The following ANXA11 variants were observed in gnomAD, a reference collection of about 807,000 sequenced individuals.
ANXA11 encodes the protein annexin A11, also known as 56 kDa autoantigen.
A neutral mutation model predicts 64.7 loss-of-function variants in ANXA11; 57 were observed. That is an observed-to-expected ratio of 0.88 (90% CI 0.71 to 1.10). The LOEUF (loss-of-function observed/expected upper bound fraction) is 1.10, where lower values mean the gene tolerates loss of function less well. ANXA11 is among the 50% of genes least tolerant of loss of function. The pLI is 0.00. For synonymous variants in ANXA11, 260 were observed against 265.2 expected (o/e 0.98, Z 0.19); for missense variants, 675 against 670.7 (o/e 1.01, Z -0.07).
At chr10:80,163,703 G>A in intron 9 of ANXA11, 90 bp from the exon 10 acceptor site, 1 of 1,225,934 alleles carries the variant, frequency 8.2e-7, no homozygotes, top group Non-Finnish European at 1.2e-6. Context: ...GTACTGGGGA[G>A]AAAAAGGCTG....
In ANXA11 at chr10:80,151,620, T is replaced by G. The variant is rs1300756457; in HGVS notation, c.*4233A>C. 1 of 152,144 alleles carries G rather than the reference T, an allele frequency of 6.6e-6. No individual in the cohort carries two copies. The highest frequency in any genetic ancestry group is 1.9e-4 in the East Asian group (1 of 5,188). The allele number at this position is 152,144 out of a possible 1,614,324, so 9.4% of individuals were successfully genotyped here. A position where few individuals can be genotyped will look rare whatever the true frequency, so the allele number is the denominator to read the frequency against. On this transcript the variant is annotated 3_prime_UTR_variant, in exon 16 of 16. Transcript: ENST00000422982. Reference sequence around the variant, plus strand: ...ACAGAAAATGGGCATGGCATGGCATTAAACCACCACTTTGACCGTGGGCAC... The same window carrying G: ...ACAGAAAATGGGCATGGCATGGCATGAAACCACCACTTTGACCGTGGGCAC...
chr10:80,162,373 GC>G (rs1416927127), intron 11 of ANXA11, among the ~76,000 whole-genome samples: 4 of 152,242 alleles, frequency 2.6e-5, no homozygotes, highest in Admixed American at 2.6e-4. Context: ...GGCGTGTCCA[GC>G]CCTGACTCCC....
intron 1 of ANXA11, among the ~76,000 whole-genome samples, chr10:80,201,310 C>T (rs1023157207): frequency 1.3e-5 from 2 of 152,122 alleles, no homozygotes; most frequent in African/African-American, 2.4e-5. Context: ...CCTCTCAGGT[C>T]GCTCTTTTTC....
chr10:80,158,058 G>GCTT, intron 13 of ANXA11, 33 bp from the exon 14 acceptor site: 1 of 1,608,580 alleles, frequency 6.2e-7, no homozygotes. Flanking sequence ...AACCAGATCT[G>GCTT]CAGAAAATTC....
Sources: gnomAD v4.1 joint callset for allele counts (sites outside exome capture counted in the v4.1 genomes callset) on GRCh38, gnomAD v4.1.1 for gene constraint, MANE v1.5 for transcripts, NCBI Gene and HGNC (gene_info 2026-07-23, HGNC 2026-07-21) for gene names.